NREP: variants seen among roughly 807,000 people sequenced by gnomAD.
NREP encodes neuronal regeneration-related protein.
A neutral mutation model predicts 8.6 loss-of-function variants in NREP; 5 were observed. The ratio of observed to expected loss-of-function variants is 0.58; its 90% confidence interval spans 0.30 to 1.22. The LOEUF (loss-of-function observed/expected upper bound fraction) is 1.22. Among genes scored for constraint, NREP ranks in the 50% most tolerant of loss-of-function variants. The pLI is 0.07. For synonymous variants in NREP, 27 were observed against 28.0 expected, an observed-to-expected ratio of 0.96 and a Z score of 0.11; for missense variants, 86 against 82.5, an observed-to-expected ratio of 1.04 and a Z score of -0.17.
chr5:111,859,565 A>G (rs1252332242), intron 2 of NREP, among the ~76,000 whole-genome samples: 1 of 152,096 alleles, frequency 6.6e-6, no homozygotes, highest in Non-Finnish European at 1.5e-5. Context: ...GTTGAGAGAC[A>G]GGTCTTAAAA....
At chr5:111,869,489 A>T (rs929093626) in intron 2 of NREP, among the ~76,000 whole-genome samples, 1 of 152,124 alleles carries the variant, frequency 6.6e-6, no homozygotes, top group Non-Finnish European at 1.5e-5. Flanking sequence ...AGTTTTAACT[A>T]CCCTGGTCTT....
At chr5:111,874,491 G>A (rs984874798) in intron 2 of NREP, among the ~76,000 whole-genome samples, 2 of 152,166 alleles carry the variant, frequency 1.3e-5, no homozygotes, top group African/African-American at 4.8e-5. Flanking sequence ...AGGCCCAAGT[G>A]AGGGTAACCC....
At chr5:111,785,584 G>A (rs913907981) in intron 2 of NREP, among the ~76,000 whole-genome samples, 3 of 152,048 alleles carry the variant, frequency 2.0e-5, no homozygotes, top group African/African-American at 7.2e-5. Context: ...GGCCCAAAAT[G>A]ACTATTCTTA....
At chr5:111,948,611 G>C (rs745779412) in intron 2 of NREP, among the ~76,000 whole-genome samples, 2 of 152,086 alleles carry the variant, frequency 1.3e-5, no homozygotes, top group Non-Finnish European at 2.9e-5. Flanking sequence ...GCAAAAGTGA[G>C]TTGGTTGTCC....
At chr5:111,957,056 T>C (rs917082251) in intron 2 of NREP, among the ~76,000 whole-genome samples, 16 of 151,678 alleles carry the variant, frequency 1.1e-4, no homozygotes, top group African/African-American at 3.6e-4. Flanking sequence ...ATTAAAGTTA[T>C]AGAGAAATAT....
At chr5:111,843,261 G>T (rs1404664848) in intron 2 of NREP, among the ~76,000 whole-genome samples, 1 of 151,210 alleles carries the variant, frequency 6.6e-6, no homozygotes, top group Non-Finnish European at 1.5e-5. Flanking sequence ...TGTTCCTCTG[G>T]GTTATTTTAA....
At chr5:111,825,121 T>C (rs534008540) in intron 2 of NREP, among the ~76,000 whole-genome samples, 1 of 152,334 alleles carries the variant, frequency 6.6e-6, no homozygotes, top group Non-Finnish European at 1.5e-5. Context: ...TGCTTTCATA[T>C]TCTGTTATCA....
At chr5:111,890,923 G>T (rs1385006420) in intron 2 of NREP, among the ~76,000 whole-genome samples, 3 of 152,190 alleles carry the variant, frequency 2.0e-5, no homozygotes, top group African/African-American at 7.2e-5. Context: ...ATCAGCACTT[G>T]CCTCCTTTTT....
intron 2 of NREP, among the ~76,000 whole-genome samples, chr5:111,902,553 C>G (rs1754671861): frequency 6.6e-6 from 1 of 152,092 alleles, no homozygotes; most frequent in Non-Finnish European, 1.5e-5. Context: ...AAGAAGTGGT[C>G]CAAAGTTAAA....
chr5:111,860,103 C>A (rs1210403444), intron 2 of NREP, among the ~76,000 whole-genome samples: 1 of 152,136 alleles, frequency 6.6e-6, no homozygotes, highest in Non-Finnish European at 1.5e-5. Flanking sequence ...AATAAACTTT[C>A]TTGGATGGGG....
intron 2 of NREP, among the ~76,000 whole-genome samples, chr5:111,943,326 G>C (rs1755884537): frequency 6.6e-6 from 1 of 152,028 alleles, no homozygotes; most frequent in Admixed American, 6.6e-5. Context: ...ATACTGCCTT[G>C]ATTTTCCTTG....
At chr5:111,950,736 G>A (rs1430205182) in intron 2 of NREP, among the ~76,000 whole-genome samples, 1 of 148,244 alleles carries the variant, frequency 6.7e-6, no homozygotes, top group Admixed American at 6.7e-5. Flanking sequence ...ATCAAAAAGT[G>A]GGCAAAGGAT....
At chr5:111,961,810 G>C (rs1041815408) in intron 2 of NREP, among the ~76,000 whole-genome samples, 1 of 152,162 alleles carries the variant, frequency 6.6e-6, no homozygotes, top group African/African-American at 2.4e-5. Flanking sequence ...ATAAACACAT[G>C]AAGTGACCAT....
chr5:111,774,249 G>A (rs997651112), intron 2 of NREP, among the ~76,000 whole-genome samples: 2 of 118,476 alleles, frequency 1.7e-5, no homozygotes, highest in Admixed American at 7.7e-5. Flanking sequence ...AGAAGGGAGG[G>A]AGGGAAGGAG....
intron 2 of NREP, among the ~76,000 whole-genome samples, chr5:111,948,000 G>A (rs895018956): frequency 2.0e-5 from 3 of 151,866 alleles, no homozygotes; most frequent in African/African-American, 7.3e-5. Flanking sequence ...TAATCCAATC[G>A]TTGCTGCCAC....
At chr5:111,775,336 G>A (rs538104168) in intron 2 of NREP, among the ~76,000 whole-genome samples, 1 of 152,256 alleles carries the variant, frequency 6.6e-6, no homozygotes, top group African/African-American at 2.4e-5. Flanking sequence ...TGAAGTGAGT[G>A]CCTGGCAATC....
At chr5:111,932,785 C>T (rs534155134) in intron 2 of NREP, among the ~76,000 whole-genome samples, 12 of 152,054 alleles carry the variant, frequency 7.9e-5, no homozygotes, top group African/African-American at 1.4e-4. Context: ...ATTCATACTG[C>T]CGCGGAAGCC....
At chr5:111,792,483 A>C (rs545156838) in intron 2 of NREP, among the ~76,000 whole-genome samples, 1 of 152,370 alleles carries the variant, frequency 6.6e-6, no homozygotes, top group East Asian at 1.9e-4. Flanking sequence ...TGGATGCACA[A>C]TAAAAAATAT....
chr5:111,786,764 T>C (rs549870946), intron 2 of NREP, among the ~76,000 whole-genome samples: 7 of 152,344 alleles, frequency 4.6e-5, no homozygotes, highest in Non-Finnish European at 4.4e-5. Flanking sequence ...TCAATGTTAA[T>C]CTTCCTTGGG....
Sources: gnomAD v4.1 joint callset for allele counts (sites outside exome capture counted in the v4.1 genomes callset) on GRCh38, gnomAD v4.1.1 for gene constraint, MANE v1.5 for transcripts, NCBI Gene and HGNC (gene_info 2026-07-23, HGNC 2026-07-21) for gene names.